The following GLRA3 variants were observed in gnomAD, a reference collection of about 807,000 sequenced individuals.
GLRA3 encodes glycine receptor alpha 3, also known as glycine receptor subunit alpha-3.
GLRA3 carries 44 observed loss-of-function variants against 60.4 expected under a neutral mutation model. That is an observed-to-expected ratio of 0.73 (90% CI 0.57 to 0.94). The LOEUF (loss-of-function observed/expected upper bound fraction) is 0.94, where lower values mean the gene tolerates loss of function less well. GLRA3 is among the 40% of genes least tolerant of loss of function. The pLI, the probability that GLRA3 is intolerant of heterozygous loss-of-function variation, is 0.00. For missense variants in GLRA3, 508 were observed against 564.6 expected, an observed-to-expected ratio of 0.90 and a Z score of 1.02; for synonymous variants, 223 against 192.9, an observed-to-expected ratio of 1.16 and a Z score of -1.29.
In GLRA3 at chr4:174,656,803, G is replaced by A; in HGVS notation, c.1072-16C>T. On this transcript the variant is annotated splice_polypyrimidine_tract_variant and intron_variant, in intron 8 of 9. Coordinates refer to ENST00000274093, the MANE Select transcript of GLRA3 (RefSeq NM_006529.4). The stretch of plus-strand genomic sequence containing the variant: ...AAGCTTCTGTCTGTGGGAAGGTAAA[G>A]TGGACCAAGAGGAATTGAGAAACCA... 1 of 1,518,916 alleles carries A rather than the reference G, an allele frequency of 6.6e-7. No homozygotes were observed. The highest frequency in any genetic ancestry group is 1.7e-5 in the Admixed American group (1 of 59,760). 94.1% of individuals were successfully genotyped at this position (1,518,916 alleles called of 1,614,324 possible). A position where few individuals can be genotyped will look rare whatever the true frequency, so the allele number is the denominator to read the frequency against.
intron 1 of GLRA3, among the ~76,000 whole-genome samples, chr4:174,823,845 C>A (rs1464319717): frequency 6.6e-6 from 1 of 152,248 alleles, no homozygotes; most frequent in South Asian, 2.1e-4. Flanking sequence ...TTAATAATAA[C>A]TGGTCCTTGA....
At chr4:174,684,270 G>A (rs1334243412) in intron 5 of GLRA3, among the ~76,000 whole-genome samples, 1 of 151,404 alleles carries the variant, frequency 6.6e-6, no homozygotes, top group East Asian at 1.9e-4. Context: ...ATAACAACTT[G>A]GGGTTAAAAA....
chr4:174,643,673 T>G lies in GLRA3; in HGVS notation c.*113A>C. On this transcript the variant is annotated 3_prime_UTR_variant, in exon 10 of 10. Transcript: ENST00000274093. ...AATACAAAGCTTTTCCATATGCCAT[T>G]TTAATACAATGGTCATCATTTGTAT... The G allele has an allele frequency of 7.0e-7, 1 of 1,427,490 alleles. No homozygotes were observed. Among genetic ancestry groups the G allele is most frequent in the Non-Finnish European group, 9.2e-7 (1 of 1,086,444 alleles). 88.4% of individuals were successfully genotyped at this position (1,427,490 alleles called of 1,614,324 possible). A position where few individuals can be genotyped will look rare whatever the true frequency, so the allele number is the denominator to read the frequency against.
intron 2 of GLRA3, among the ~76,000 whole-genome samples, chr4:174,781,849 G>A (rs1471951589): frequency 6.6e-6 from 1 of 152,152 alleles, no homozygotes; most frequent in Non-Finnish European, 1.5e-5. Flanking sequence ...AAAGAGTCCA[G>A]GACCAAAAAT....
At chr4:174,691,972 G>T (rs534137869) in intron 5 of GLRA3, among the ~76,000 whole-genome samples, 29 of 151,434 alleles carry the variant, frequency 1.9e-4, no homozygotes, top group African/African-American at 6.3e-4. Context: ...GCCGCCCATC[G>T]TCTGAGATAA....
intron 4 of GLRA3, among the ~76,000 whole-genome samples, chr4:174,717,031 T>C (rs1425109477): frequency 6.6e-6 from 1 of 150,982 alleles, no homozygotes; most frequent in Non-Finnish European, 1.5e-5. Flanking sequence ...AAATACTCTA[T>C]CTCTACAAAT....
chr4:174,698,854 C>T (rs147042440), intron 5 of GLRA3, among the ~76,000 whole-genome samples: 4 of 152,012 alleles, frequency 2.6e-5, no homozygotes, highest in African/African-American at 4.8e-5. Flanking sequence ...CACTAAAATT[C>T]GCATTTAATA....
chr4:174,678,357 C>G (rs1291557464), intron 6 of GLRA3, among the ~76,000 whole-genome samples: 1 of 152,116 alleles, frequency 6.6e-6, no homozygotes, highest in South Asian at 2.1e-4. Flanking sequence ...AATTGTTCTT[C>G]TAAATCACCC....
At chr4:174,817,286 C>T (rs1740544006) in intron 1 of GLRA3, among the ~76,000 whole-genome samples, 2 of 152,168 alleles carry the variant, frequency 1.3e-5, no homozygotes, top group Admixed American at 6.5e-5. Flanking sequence ...CATCTATCTT[C>T]GATCTCAAAG....
chr4:174,644,081 T>A lies in GLRA3; in HGVS notation c.1117-17A>T. On this transcript the variant is annotated splice_polypyrimidine_tract_variant and intron_variant, in intron 9 of 9. Transcript: ENST00000274093. ...CTCATCATCCTGTCAAAGAAAAATG[T>A]GACAAGGCCCTTTAATAATACAATA... 6.6e-7 allele frequency: 1 copy of A among 1,515,506 alleles called. No homozygotes were observed. The highest frequency in any genetic ancestry group is 9.1e-7 in the Non-Finnish European group (1 of 1,098,018). 93.9% of individuals were successfully genotyped at this position (1,515,506 alleles called of 1,614,324 possible).
chr4:174,778,813 A>G (rs1016162444), intron 2 of GLRA3, among the ~76,000 whole-genome samples: 1 of 152,140 alleles, frequency 6.6e-6, no homozygotes, highest in Non-Finnish European at 1.5e-5. Flanking sequence ...CCTGGCTTGG[A>G]GGGTCCTACC....
intron 6 of GLRA3, among the ~76,000 whole-genome samples, chr4:174,677,579 C>T (rs949846781): frequency 2.0e-5 from 3 of 150,266 alleles, no homozygotes; most frequent in South Asian, 2.1e-4. Context: ...AGGCTGGTGT[C>T]GAATTCCTGA....
At chr4:174,734,243 GC>G (rs1291048736) in intron 3 of GLRA3, among the ~76,000 whole-genome samples, 3 of 152,190 alleles carry the variant, frequency 2.0e-5, no homozygotes, top group African/African-American at 7.2e-5. Flanking sequence ...AGCTGCATAA[GC>G]TTTTACAGTT....
intron 5 of GLRA3, among the ~76,000 whole-genome samples, chr4:174,688,948 T>C (rs1401178730): frequency 6.6e-6 from 1 of 152,050 alleles, no homozygotes; most frequent in East Asian, 1.9e-4. Context: ...TTCAGCTAAA[T>C]AGAAATGAGA....
At chr4:174,672,003 GA>G (rs1294301664) in intron 7 of GLRA3, among the ~76,000 whole-genome samples, 1 of 152,102 alleles carries the variant, frequency 6.6e-6, no homozygotes, top group Non-Finnish European at 1.5e-5. Flanking sequence ...GGGAAAAAAT[GA>G]GTGGAATTGA....
At chr4:174,728,327 T>C (rs113551315) in intron 4 of GLRA3, 148 bp downstream of exon 4, 9,757 of 538,470 alleles carry the variant, frequency 0.018, 176 homozygotes, top group South Asian at 0.031. Flanking sequence ...TGATCAGACA[T>C]ATTTGGGAAA....
At chr4:174,801,313 T>G (rs1276025590) in intron 1 of GLRA3, among the ~76,000 whole-genome samples, 3 of 152,058 alleles carry the variant, frequency 2.0e-5, no homozygotes, top group Non-Finnish European at 2.9e-5. Context: ...CTTGGTGATA[T>G]TATCCAGTCT....
intron 7 of GLRA3, among the ~76,000 whole-genome samples, chr4:174,666,279 G>C (rs1195442600): frequency 6.6e-6 from 1 of 151,960 alleles, no homozygotes; most frequent in Non-Finnish European, 1.5e-5. Flanking sequence ...TGCTAGCTTT[G>C]ATCCTAAAAT....
chr4:174,666,320 T>C (rs1450662985), intron 7 of GLRA3, among the ~76,000 whole-genome samples: 4 of 152,066 alleles, frequency 2.6e-5, no homozygotes, highest in Non-Finnish European at 5.9e-5. Context: ...AGACAACGTA[T>C]GAAAAGAAAT....
Sources: allele counts gnomAD v4.1 joint callset (sites outside exome capture counted in the v4.1 genomes callset), GRCh38; gene constraint gnomAD v4.1.1; transcripts MANE v1.5; gene names NCBI Gene and HGNC (gene_info 2026-07-23, HGNC 2026-07-21).